The following PMFBP1 variants were observed in gnomAD, a reference collection of about 807,000 sequenced individuals.
PMFBP1 encodes the protein polyamine-modulated factor 1-binding protein 1.
In PMFBP1, 131 loss-of-function variants were observed where a neutral mutation model predicts 137.8. The observed-to-expected ratio is 0.95, with a 90% CI of 0.82 to 1.10. PMFBP1 has a LOEUF of 1.10. Ranked by LOEUF, PMFBP1 falls within the 50% of genes least tolerant of loss-of-function variation. PMFBP1 has a pLI of 0.00. For missense variants in PMFBP1, 1,199 were observed against 1,175.4 expected (o/e 1.02, Z -0.29); for synonymous variants, 490 against 450.4 (o/e 1.09, Z -1.11).
the PMFBP1 span, among the ~76,000 whole-genome samples, chr16:72,222,553 C>A: frequency 6.6e-6 from 1 of 152,176 alleles, no homozygotes; most frequent in East Asian, 1.9e-4. Context: ...GCAGAGACCA[C>A]AGCACAAAGG....
chr16:72,178,301 G>C (rs965631427), upstream of PMFBP1, among the ~76,000 whole-genome samples: 4 of 151,980 alleles, frequency 2.6e-5, no homozygotes, highest in Admixed American at 1.3e-4. Flanking sequence ...TGGTTATGCT[G>C]GTGTCTACTG....
At chr16:72,244,365 T>A in the PMFBP1 span, among the ~76,000 whole-genome samples, 1 of 152,160 alleles carries the variant, frequency 6.6e-6, no homozygotes, top group Non-Finnish European at 1.5e-5. Context: ...GTCCCTGTTA[T>A]GTGTAAGTGG....
the PMFBP1 span, among the ~76,000 whole-genome samples, chr16:72,232,415 C>T: frequency 6.6e-6 from 1 of 152,280 alleles, no homozygotes; most frequent in African/African-American, 2.4e-5. Flanking sequence ...AAGATCTCAG[C>T]TTCTCAGACC....
At chr16:72,146,506 A>T (rs2042808607) in intron 5 of PMFBP1, among the ~76,000 whole-genome samples, 1 of 152,134 alleles carries the variant, frequency 6.6e-6, no homozygotes, top group African/African-American at 2.4e-5. Context: ...TTCGTGTAGT[A>T]TTGGAAGTTC....
At chr16:72,136,332 T>C (rs2042630533) in intron 9 of PMFBP1, 116 bp downstream of exon 9, 10 of 1,197,426 alleles carry the variant, frequency 8.4e-6, no homozygotes, top group Non-Finnish European at 1.2e-5. Context: ...CATCTCACTG[T>C]GCTTGTGTTG....
At chr16:72,126,238 G>GGTTGCTGCAGA in intron 14 of PMFBP1, 106 bp from the exon 15 acceptor site, 9 of 1,256,154 alleles carry the variant, frequency 7.2e-6, no homozygotes, top group Non-Finnish European at 8.9e-6. Context: ...CCTGTCTGCA[G>GGTTGCTGCAGA]CAACCTGCAG....
chr16:72,246,282 C>A, the PMFBP1 span, among the ~76,000 whole-genome samples: 1 of 152,296 alleles, frequency 6.6e-6, no homozygotes, highest in Admixed American at 6.5e-5. Flanking sequence ...TGGTGACTTG[C>A]CTCAAGTTGA....
chr16:72,192,021 G>A, the PMFBP1 span, among the ~76,000 whole-genome samples: 17 of 152,150 alleles, frequency 1.1e-4, no homozygotes, highest in East Asian at 1.9e-4. Flanking sequence ...GATCCCCTGC[G>A]AGCTGAAACA....
the PMFBP1 span, among the ~76,000 whole-genome samples, chr16:72,187,139 T>C: frequency 1.3e-5 from 2 of 149,706 alleles, no homozygotes; most frequent in African/African-American, 4.9e-5. Flanking sequence ...AATAAAAAAA[T>C]AATAAAAGCA....
chr16:72,180,362 A>G (rs898041151), upstream of PMFBP1, among the ~76,000 whole-genome samples: 2 of 151,916 alleles, frequency 1.3e-5, no homozygotes, highest in African/African-American at 4.8e-5. Flanking sequence ...TGGTGTTAAG[A>G]CCTCATACTT....
downstream of PMFBP1, among the ~76,000 whole-genome samples, chr16:72,117,487 G>C (rs2042320138): frequency 6.6e-6 from 1 of 152,044 alleles, no homozygotes; most frequent in Admixed American, 6.6e-5. Context: ...TTCCTTTCCA[G>C]TTTGAATCCC....
At chr16:72,165,455 C>T (rs550353193) in intron 2 of PMFBP1, among the ~76,000 whole-genome samples, 1 of 150,828 alleles carries the variant, frequency 6.6e-6, no homozygotes, top group Admixed American at 6.6e-5. Context: ...TGCTCTATTG[C>T]CCAGGCTGAA....
intron 3 of PMFBP1, among the ~76,000 whole-genome samples, chr16:72,157,466 G>A (rs2043000020): frequency 6.6e-6 from 1 of 152,152 alleles, no homozygotes; most frequent in South Asian, 2.1e-4. Flanking sequence ...TCCAGGGAGT[G>A]ATGGCCTTGG....
chr16:72,211,110 G>A, the PMFBP1 span, among the ~76,000 whole-genome samples: 71 of 152,306 alleles, frequency 4.7e-4, 1 homozygote, highest in East Asian at 0.01. Flanking sequence ...TGTGCTAGGT[G>A]CTTTCAGAGA....
At chr16:72,209,516 A>T in the PMFBP1 span, among the ~76,000 whole-genome samples, 1 of 152,042 alleles carries the variant, frequency 6.6e-6, no homozygotes, top group Non-Finnish European at 1.5e-5. Flanking sequence ...CTATCTGTAT[A>T]TATGTATATA....
chr16:72,163,984 G>A (rs2144498384), intron 3 of PMFBP1, among the ~76,000 whole-genome samples: 1 of 151,956 alleles, frequency 6.6e-6, no homozygotes, highest in Non-Finnish European at 1.5e-5. Flanking sequence ...CTGCTTGGGT[G>A]ATGGGTGCAC....
chr16:72,184,366 G>A, the PMFBP1 span, among the ~76,000 whole-genome samples: 1 of 152,176 alleles, frequency 6.6e-6, no homozygotes, highest in Non-Finnish European at 1.5e-5. Context: ...ACAGGCTTCT[G>A]CAATTCAATC....
At chr16:72,163,572 T>A (rs1016722536) in intron 3 of PMFBP1, among the ~76,000 whole-genome samples, 1 of 152,132 alleles carries the variant, frequency 6.6e-6, no homozygotes, top group African/African-American at 2.4e-5. Flanking sequence ...GGTCAAGTAG[T>A]AGTTGATGTG....
chr16:72,130,383 G>C, intron 11 of PMFBP1, 26 bp from the exon 12 acceptor site: 2 of 1,613,988 alleles, frequency 1.2e-6, no homozygotes, highest in African/African-American at 1.3e-5. Context: ...AGCCACAGGA[G>C]GACAGACTTC....
Sources: allele counts gnomAD v4.1 joint callset (sites outside exome capture counted in the v4.1 genomes callset), GRCh38; gene constraint gnomAD v4.1.1; transcripts MANE v1.5; gene names NCBI Gene and HGNC (gene_info 2026-07-23, HGNC 2026-07-21).